PHF21B: variants seen among roughly 807,000 people sequenced by gnomAD.
The protein encoded by PHF21B is PHD finger protein 4.
PHF21B carries 22 observed loss-of-function variants against 62.2 expected under a neutral mutation model. That is an observed-to-expected ratio of 0.35 (90% CI 0.25 to 0.51). The LOEUF is 0.51. Among genes scored for constraint, PHF21B ranks in the 20% least tolerant of loss-of-function variants. The pLI, the probability that PHF21B is intolerant of heterozygous loss-of-function variation, is 0.97. For synonymous variants in PHF21B, 341 were observed against 314.7 expected, an observed-to-expected ratio of 1.08 and a Z score of -0.88; for missense variants, 701 against 707.9, an observed-to-expected ratio of 0.99 and a Z score of 0.11.
rs1362176045 is a variant in PHF21B at position 44,883,396 on chromosome 22, T to TA, written c.1378-93dup. ...CCGTCTGGGCCCCTCTCCCCTCCAC[T>TA]ACAAAGGCCTACAAGAAACCAGGCT... On this transcript the variant is annotated intron_variant, in intron 12 of 12. Coordinates refer to ENST00000313237, the MANE Select transcript of PHF21B (RefSeq NM_138415.5). 3.4e-6 allele frequency: 4 copies of TA among 1,183,940 alleles called. No homozygotes were observed. In the African/African-American group the frequency reaches 6.1e-5, roughly 18 times the overall value. 73.3% of individuals were successfully genotyped at this position (1,183,940 alleles called of 1,614,324 possible). A position where few individuals can be genotyped will look rare whatever the true frequency, so the allele number is the denominator to read the frequency against.
rs778060814 is a variant in PHF21B at position 44,958,930 on chromosome 22, C to T, written c.121-38440G>A. ...TGCTGGGGTTACAGGTGTGAGCCAC[C>T]GCACCCGGCCCCTCCTTTGATCATT... On this transcript the variant is annotated intron_variant, in intron 2 of 12. Transcript: ENST00000313237. Among the ~76,000 whole-genome samples the T allele has an allele frequency of 5.9e-5, 9 of 152,084 alleles. 1 individual carries two copies. The highest frequency in any genetic ancestry group is 1.2e-4 in the African/African-American group (5 of 41,410).
intron 6 of PHF21B, among the ~76,000 whole-genome samples, chr22:44,894,400 G>A (rs1371798641): frequency 6.6e-6 from 1 of 152,278 alleles, no homozygotes; most frequent in East Asian, 1.9e-4. Context: ...GAAAACTGAG[G>A]TTCGGAGTGG....
At chr22:44,947,083 G>A (rs1212025771) in intron 2 of PHF21B, among the ~76,000 whole-genome samples, 1 of 152,260 alleles carries the variant, frequency 6.6e-6, no homozygotes, top group African/African-American at 2.4e-5. Context: ...GCACACTGGA[G>A]TTAAGCAAGT....
In PHF21B at chr22:44,913,886, G is replaced by C. The variant is rs1456116896; in HGVS notation, c.767C>G (p.Ser256Cys). 6.2e-7 allele frequency: 1 copy of C among 1,614,050 alleles called. No individual in the cohort carries two copies. Among genetic ancestry groups the C allele is most frequent in the East Asian group, 2.2e-5 (1 of 44,866 alleles). The change falls in exon 5 of 13, where the codon TCT (serine) becomes TGT (cysteine). Residue 256 changes from serine to cysteine, a missense_variant. Transcript: ENST00000313237. ...CTTTTTGGTGGCCTGAGCTCCCTGA[G>C]ATGGCTCCTCTGTGGGCGGCCGCGA... is the stretch of plus-strand genomic sequence containing the variant. Reference protein sequence around the residue: ...AESRPPTEEPSQGAQATKKKK... With the variant: ...AESRPPTEEPCQGAQATKKKK...
rs1009657233 is a variant in PHF21B at position 45,009,057 on chromosome 22, G to C, written c.54+439C>G. The C allele has an allele frequency of 5.3e-6, 6 of 1,121,986 alleles. No homozygotes were observed. In the African/African-American group the frequency reaches 6.6e-5, roughly 12 times the overall value. 69.5% of individuals were successfully genotyped at this position (1,121,986 alleles called of 1,614,324 possible). A position where few individuals can be genotyped will look rare whatever the true frequency, so the allele number is the denominator to read the frequency against. Reference sequence around the variant, plus strand: ...GCACGCCGAGCCCCGCTCAGGCTCCGGCCGCCACGCCGCCGCTCGCCAGCA... The same window carrying C: ...GCACGCCGAGCCCCGCTCAGGCTCCCGCCGCCACGCCGCCGCTCGCCAGCA... On this transcript the variant is annotated intron_variant, in intron 1 of 12. Coordinates refer to ENST00000313237, the MANE Select transcript of PHF21B (RefSeq NM_138415.5). The surrounding 1 kb of genome is among the most constrained non-coding windows in gnomAD (Gnocchi z 5.9).
rs1306354461 is a variant in PHF21B at position 45,009,794 on chromosome 22, G to A, written c.-245C>T. On this transcript the variant is annotated 5_prime_UTR_variant, in exon 1 of 13. Coordinates refer to ENST00000313237, the MANE Select transcript of PHF21B (RefSeq NM_138415.5). The surrounding 1 kb of genome is among the most constrained non-coding windows in gnomAD (Gnocchi z 5.9). ...CTCAGGCTGCCCGGCAAGTTGCGCCGGGTCCCCGGGCTGCCGGCGCGGCCC... is the reference window on the plus strand; with the variant it reads ...CTCAGGCTGCCCGGCAAGTTGCGCCAGGTCCCCGGGCTGCCGGCGCGGCCC... The A allele has an allele frequency of 9.0e-6, 2 of 221,962 alleles. No homozygotes were observed. Among genetic ancestry groups the A allele is most frequent in the Non-Finnish European group, 1.8e-5 (2 of 113,908 alleles). The allele number at this position is 221,962 out of a possible 1,614,324, so 13.7% of individuals were successfully genotyped here. A position where few individuals can be genotyped will look rare whatever the true frequency, so the allele number is the denominator to read the frequency against.
chr22:44,925,812 T>C (rs2071618151), intron 2 of PHF21B, among the ~76,000 whole-genome samples: 1 of 152,110 alleles, frequency 6.6e-6, no homozygotes, highest in Non-Finnish European at 1.5e-5. Flanking sequence ...CCACGACCAG[T>C]GTTCCCCCAA....
Position 44,888,139 on chromosome 22 carries a change from G to T in PHF21B, c.1039-18C>A, listed in dbSNP as rs1212768158. On this transcript the variant is annotated intron_variant, in intron 9 of 12. Coordinates refer to ENST00000313237, the MANE Select transcript of PHF21B (RefSeq NM_138415.5). ...ATCTCGTTCTGGAAGAGAAGGGAGG[G>T]CAGGAGACAGGTCAGCCACAGCCAG... 3 of 1,502,996 alleles carry T rather than the reference G, an allele frequency of 2.0e-6. No individual in the cohort carries two copies. The allele number at this position is 1,502,996 out of a possible 1,614,324, so 93.1% of individuals were successfully genotyped here. A position where few individuals can be genotyped will look rare whatever the true frequency, so the allele number is the denominator to read the frequency against.
intron 5 of PHF21B, among the ~76,000 whole-genome samples, chr22:44,906,064 G>A (rs1016601031): frequency 2.6e-5 from 4 of 152,214 alleles, no homozygotes; most frequent in Non-Finnish European, 4.4e-5. Context: ...CCGCTGCCCT[G>A]TGTGAGCTGC....
intron 2 of PHF21B, among the ~76,000 whole-genome samples, chr22:44,941,036 C>T (rs1442122003): frequency 6.6e-6 from 1 of 152,224 alleles, no homozygotes; most frequent in Non-Finnish European, 1.5e-5. Flanking sequence ...GATTCGTGAA[C>T]AGTAACAACC....
At chr22:44,987,992 C>T (rs142440868) in intron 2 of PHF21B, among the ~76,000 whole-genome samples, 3 of 152,282 alleles carry the variant, frequency 2.0e-5, no homozygotes, top group Admixed American at 6.5e-5. Context: ...AGTGAGCTCC[C>T]CGTCACACAA....
At chr22:44,978,078 G>C (rs1389821467) in intron 2 of PHF21B, among the ~76,000 whole-genome samples, 1 of 152,078 alleles carries the variant, frequency 6.6e-6, no homozygotes, top group African/African-American at 2.4e-5. Flanking sequence ...GCCACATTCT[G>C]TTGTATTTCA....
intron 8 of PHF21B, 123 bp downstream of exon 8, chr22:44,891,183 C>T: frequency 9.4e-7 from 1 of 1,068,592 alleles, no homozygotes; most frequent in Non-Finnish European, 1.4e-6. Context: ...TCACCTTCCT[C>T]TGCCCAGGTC....
intron 2 of PHF21B, among the ~76,000 whole-genome samples, chr22:44,952,305 T>C (rs923131800): frequency 9.2e-5 from 14 of 152,194 alleles, no homozygotes; most frequent in Non-Finnish European, 1.9e-4. Flanking sequence ...ATCGCACCAG[T>C]GTACTCTGGC....
chr22:44,900,917 A>G (rs1341064551), intron 5 of PHF21B, among the ~76,000 whole-genome samples: 1 of 152,144 alleles, frequency 6.6e-6, no homozygotes, highest in Non-Finnish European at 1.5e-5. Flanking sequence ...CTGGGACCCA[A>G]TGTGTCCTTT....
chr22:44,970,486 G>A (rs2072616660), intron 2 of PHF21B, among the ~76,000 whole-genome samples: 1 of 152,186 alleles, frequency 6.6e-6, no homozygotes, highest in Admixed American at 6.5e-5. Context: ...TGCTGCTACA[G>A]AGCCACCAGT....
At chr22:44,935,082 G>A (rs1312232818) in intron 2 of PHF21B, among the ~76,000 whole-genome samples, 1 of 152,272 alleles carries the variant, frequency 6.6e-6, no homozygotes, top group African/African-American at 2.4e-5. Context: ...CTTTCATCAA[G>A]AGAAAAAGGA....
At chr22:44,997,245 T>G (rs1015725290) in intron 2 of PHF21B, among the ~76,000 whole-genome samples, 6 of 152,182 alleles carry the variant, frequency 3.9e-5, no homozygotes, top group Non-Finnish European at 8.8e-5. Context: ...TGCTTGGAGA[T>G]GGCAGCCACA....
intron 7 of PHF21B, among the ~76,000 whole-genome samples, chr22:44,892,202 C>T (rs2070978780): frequency 6.6e-6 from 1 of 152,216 alleles, no homozygotes; most frequent in African/African-American, 2.4e-5. Context: ...AGGCTGAAAA[C>T]ACCTCCACGA....
Sources: allele counts gnomAD v4.1 joint callset (sites outside exome capture counted in the v4.1 genomes callset), GRCh38; gene constraint gnomAD v4.1.1; non-coding constraint Gnocchi (gnomAD v3.1); transcripts MANE v1.5; gene names NCBI Gene and HGNC (gene_info 2026-07-23, HGNC 2026-07-21).